Variants in CYTH1 observed in about 807,000 individuals in gnomAD.
CYTH1 encodes the protein cytohesin-1.
Under a neutral mutation model 61.8 loss-of-function variants are expected in CYTH1, and 18 were observed. That is an observed-to-expected ratio of 0.29 (90% CI 0.20 to 0.43). The LOEUF (loss-of-function observed/expected upper bound fraction) is 0.43, where lower values mean the gene tolerates loss of function less well. CYTH1 is among the 20% of genes least tolerant of loss of function. CYTH1 has a pLI of 1.00. For missense variants in CYTH1, 336 were observed against 510.5 expected, an observed-to-expected ratio of 0.66 and a Z score of 3.29; for synonymous variants, 174 against 184.3, an observed-to-expected ratio of 0.94 and a Z score of 0.45.
chr17:78,763,651 G>A (rs1304584853), intron 1 of CYTH1, among the ~76,000 whole-genome samples: 1 of 152,134 alleles, frequency 6.6e-6, no homozygotes, highest in East Asian at 1.9e-4. Context: ...GCTGTAATAA[G>A]AGTTACGTGA....
chr17:78,695,874 A>G lies in CYTH1; in HGVS notation c.814+133T>C, dbSNP rs1380516120. 3 of 1,277,124 alleles carry G rather than the reference A, an allele frequency of 2.3e-6. No homozygotes were observed. In the East Asian group the frequency reaches 1.5e-4, roughly 64 times the overall value. The allele number at this position is 1,277,124 out of a possible 1,614,324, so 79.1% of individuals were successfully genotyped here. ...CTGACCAGTTCCCTAGGGACTGTACAATAAGTTAGAAGCAGCATTAACACT... is the reference window on the plus strand; with the variant it reads ...CTGACCAGTTCCCTAGGGACTGTACGATAAGTTAGAAGCAGCATTAACACT... On this transcript the variant is annotated intron_variant, in intron 10 of 13. Transcript: ENST00000446868.
rs1196152342 is a variant in CYTH1 at position 78,675,759 on chromosome 17, A to T, written c.*332T>A. ...GTTTGAAGGCTTCTTCACGGGGACA[A>T]CCAAGAGGTAAACAGTTGGCTCTGA... is the stretch of plus-strand genomic sequence containing the variant. On this transcript the variant is annotated 3_prime_UTR_variant, in exon 14 of 14. Coordinates refer to ENST00000446868, the MANE Select transcript of CYTH1 (RefSeq NM_004762.6). 3 of 849,058 alleles carry T rather than the reference A, an allele frequency of 3.5e-6. No homozygotes were observed. Among genetic ancestry groups the T allele is most frequent in the Non-Finnish European group, 5.2e-6 (3 of 578,970 alleles). The allele number at this position is 849,058 out of a possible 1,614,324, so 52.6% of individuals were successfully genotyped here. A position where few individuals can be genotyped will look rare whatever the true frequency, so the allele number is the denominator to read the frequency against.
At chr17:78,690,433 A>AAATGTATT (rs1351216834) in intron 11 of CYTH1, among the ~76,000 whole-genome samples, 4 of 135,590 alleles carry the variant, frequency 3.0e-5, no homozygotes, top group Admixed American at 2.3e-4. Flanking sequence ...AAAAAAAAAG[A>AAATGTATT]AATGTATTTA....
rs1474859490 is a variant in CYTH1, at chr17:78,782,253, T to TCGCCGCTCGCGTCCCGCCG, written c.-49_-31dup. 3.2e-6 allele frequency: 4 copies of TCGCCGCTCGCGTCCCGCCG among 1,266,780 alleles called. No individual in the cohort carries two copies. The African/African-American group carries it at 4.8e-5, about 15-fold the overall frequency. 78.5% of individuals were successfully genotyped at this position (1,266,780 alleles called of 1,614,324 possible). A position where few individuals can be genotyped will look rare whatever the true frequency, so the allele number is the denominator to read the frequency against. Reference sequence around the variant, plus strand: ...CGGGAGCCGGGCTCCGCGCTCCGGCTCGCCGCTCGCGTCCCGCCGCGCCAC... The same window carrying TCGCCGCTCGCGTCCCGCCG: ...CGGGAGCCGGGCTCCGCGCTCCGGCTCGCCGCTCGCGTCCCGCCGCGCCGCTCGCGTCCCGCCGCGCCAC... On this transcript the variant is annotated 5_prime_UTR_variant, in exon 1 of 14. Coordinates refer to ENST00000446868, the MANE Select transcript of CYTH1 (RefSeq NM_004762.6).
At chr17:78,714,909 A>G (rs1306863238) in intron 1 of CYTH1, among the ~76,000 whole-genome samples, 1 of 152,200 alleles carries the variant, frequency 6.6e-6, no homozygotes, top group African/African-American at 2.4e-5. Flanking sequence ...AAACTCTGGA[A>G]AAGGGACAAT....
chr17:78,743,212 A>C (rs2093348035), intron 1 of CYTH1, among the ~76,000 whole-genome samples: 2 of 152,248 alleles, frequency 1.3e-5, no homozygotes. Context: ...GCCAGGAAGA[A>C]TATATACTAA....
chr17:78,759,744 C>T (rs192818868), intron 1 of CYTH1, among the ~76,000 whole-genome samples: 16 of 152,318 alleles, frequency 1.1e-4, no homozygotes, highest in East Asian at 9.7e-4. Context: ...TCAGCCATCC[C>T]TTCCTACAAT....
rs1253136916 is a variant in CYTH1 at position 78,731,770 on chromosome 17, AAC to A, written c.23-22040_23-22039del. On this transcript the variant is annotated intron_variant, in intron 1 of 13. Coordinates refer to ENST00000446868, the MANE Select transcript of CYTH1 (RefSeq NM_004762.6). ...GACTCCGTCTCAAAAAAAAAAAAAA[AAC>A]AAAAAAAAACAAATAAAAAGGAAAT... Among the ~76,000 whole-genome samples the A allele has an allele frequency of 2.6e-4, 40 of 151,652 alleles. 1 individual carries two copies. Among genetic ancestry groups the A allele is most frequent in the African/African-American group, 8.7e-4 (36 of 41,284 alleles).
chr17:78,689,459 G>A (rs1013906337), intron 11 of CYTH1, among the ~76,000 whole-genome samples: 5 of 152,182 alleles, frequency 3.3e-5, no homozygotes, highest in African/African-American at 1.2e-4. Flanking sequence ...TAGGGTTCGT[G>A]CTCCTATGAG....
chr17:78,759,188 G>A (rs1042426967), intron 1 of CYTH1, among the ~76,000 whole-genome samples: 8 of 152,156 alleles, frequency 5.3e-5, no homozygotes, highest in Admixed American at 4.6e-4. Context: ...GTAGCCAATC[G>A]AAGCCCACTG....
At chr17:78,727,734 T>C (rs918090701) in intron 1 of CYTH1, 1 of 470,898 alleles carries the variant, frequency 2.1e-6, no homozygotes, top group African/African-American at 2.0e-5. Flanking sequence ...CAACTCAGTG[T>C]GTTAGGAGGG....
chr17:78,680,495 G>A (rs986454159), intron 12 of CYTH1, 151 bp from the exon 13 acceptor site: 48 of 944,244 alleles, frequency 5.1e-5, no homozygotes, highest in African/African-American at 2.5e-4. Flanking sequence ...GCCTAGAAGC[G>A]GAATTCTAGA....
At position 78,753,865 on chromosome 17, in the gene CYTH1, A is replaced by G. The variant is rs28479715; in HGVS notation, c.22+28337T>C. On this transcript the variant is annotated intron_variant, in intron 1 of 13. Transcript: ENST00000446868. ...TCTAGTCTAGTACTTCAAACACCAA[A>G]AAACCCTTGCAGAATTGTTCTAAAA... Among the ~76,000 whole-genome samples the G allele has an allele frequency of 4.6e-3, 695 of 152,310 alleles. 6 individuals carry two copies. The highest frequency in any genetic ancestry group is 0.016 in the African/African-American group (648 of 41,554).
chr17:78,682,849 C>T (rs542445383), intron 11 of CYTH1, among the ~76,000 whole-genome samples: 98 of 152,342 alleles, frequency 6.4e-4, no homozygotes, highest in African/African-American at 2.3e-3. Context: ...CATTCATTTT[C>T]AGTCATCATG....
chr17:78,682,922 AATT>A (rs1169129989), intron 11 of CYTH1, among the ~76,000 whole-genome samples: 2 of 152,170 alleles, frequency 1.3e-5, no homozygotes, highest in Non-Finnish European at 2.9e-5. Flanking sequence ...GGTTTAAAAA[AATT>A]ATTTTGTCAA....
chr17:78,745,112 G>T (rs2093354985), intron 1 of CYTH1, among the ~76,000 whole-genome samples: 1 of 152,106 alleles, frequency 6.6e-6, no homozygotes, highest in South Asian at 2.1e-4. Flanking sequence ...AAGAGCATTG[G>T]TCAGATGCTC....
At chr17:78,706,175 T>G (rs1326035363) in intron 3 of CYTH1, among the ~76,000 whole-genome samples, 2 of 152,202 alleles carry the variant, frequency 1.3e-5, no homozygotes, top group African/African-American at 4.8e-5. Context: ...GCACACACCT[T>G]AAGTGCACAG....
chr17:78,677,310 G>A (rs2092711077), intron 13 of CYTH1: 3 of 351,922 alleles, frequency 8.5e-6, no homozygotes, highest in Non-Finnish European at 1.7e-5. Flanking sequence ...AGAGGTGCGT[G>A]TGGCACTGCC....
At chr17:78,767,416 C>T (rs778195495) in intron 1 of CYTH1, among the ~76,000 whole-genome samples, 11 of 152,170 alleles carry the variant, frequency 7.2e-5, no homozygotes, top group Non-Finnish European at 1.2e-4. Context: ...CAAATTTCCA[C>T]GTGAACCGCC....
Sources: gnomAD v4.1 joint callset for allele counts (sites outside exome capture counted in the v4.1 genomes callset) on GRCh38, gnomAD v4.1.1 for gene constraint, MANE v1.5 for transcripts, NCBI Gene and HGNC (gene_info 2026-07-23, HGNC 2026-07-21) for gene names.